Variants in CD151 observed in about 807,000 individuals in gnomAD.
CD151 encodes CD151 antigen.
In CD151, 20 loss-of-function variants were observed where a neutral mutation model predicts 34.2. The observed-to-expected ratio is 0.58, with a 90% confidence interval of 0.41 to 0.85. The LOEUF is 0.85. Among genes scored for constraint, CD151 ranks in the 40% least tolerant of loss-of-function variants. CD151 has a pLI of 0.00. For synonymous variants in CD151, 157 were observed against 131.7 expected, an observed-to-expected ratio of 1.19 and a Z score of -1.32; for missense variants, 306 against 324.5, an observed-to-expected ratio of 0.94 and a Z score of 0.44.
At chr11:836,567 C>T in intron 4 of CD151, 125 bp downstream of exon 4, 1 of 838,200 alleles carries the variant, frequency 1.2e-6, no homozygotes, top group Non-Finnish European at 1.9e-6. Flanking sequence ...CCTTCCACAC[C>T]TGCCTAGTCC....
intron 5 of CD151, 79 bp downstream of exon 5, chr11:836,922 T>A: frequency 7.9e-7 from 1 of 1,260,942 alleles, no homozygotes; most frequent in East Asian, 2.4e-5. Flanking sequence ...CACGCGTGGC[T>A]AGCCCCAACC....
chr11:835,789 G>A (rs889131272), intron 2 of CD151: 18 of 377,180 alleles, frequency 4.8e-5, no homozygotes, highest in African/African-American at 3.3e-4. Context: ...CCGGGTTCAC[G>A]CCATTCTCCT....
chr11:836,517 C>A, intron 4 of CD151, 75 bp downstream of exon 4: 1 of 1,171,964 alleles, frequency 8.5e-7, no homozygotes, highest in Non-Finnish European at 1.2e-6. Context: ...AGGCTTTGAA[C>A]CTGTGCCTTG....
intron 5 of CD151, 183 bp from the exon 6 acceptor site, chr11:837,067 A>G (rs1156710136): frequency 6.1e-6 from 4 of 660,570 alleles, no homozygotes; most frequent in African/African-American, 5.4e-5. Context: ...GCCGCACTTC[A>G]TTGTCACCCT....
chr11:835,252 G>C (rs1846708508), intron 2 of CD151: 1 of 152,302 alleles, frequency 6.6e-6, no homozygotes, highest in Admixed American at 6.5e-5. Context: ...GACACGTCCT[G>C]TTCCCACAGG....
rs1291010489 is a variant in CD151, at chr11:834,567, A to T, written c.-32A>T. On this transcript the variant is annotated 5_prime_UTR_variant, in exon 2 of 9. Coordinates refer to ENST00000397420, the MANE Select transcript of CD151 (RefSeq NM_004357.5). ...GGGAGCTTCTGTCCACCTGTCCTGC[A>T]GAGGAGTCGTTTCCAGCCCGGCTGG... 1 of 152,654 alleles carries T rather than the reference A, an allele frequency of 6.6e-6. No individual in the cohort carries two copies. The highest frequency in any genetic ancestry group is 1.5e-5 in the Non-Finnish European group (1 of 68,428). 9.5% of individuals were successfully genotyped at this position (152,654 alleles called of 1,614,324 possible).
Position 837,622 on chromosome 11 carries a change from G to A in CD151, c.615+4G>A, listed in dbSNP as rs746793308. On this transcript the variant is annotated splice_donor_region_variant and intron_variant, in intron 7 of 8. Coordinates refer to ENST00000397420, the MANE Select transcript of CD151 (RefSeq NM_004357.5). ...CTCCAACATCTACAAGGTGGAGGTG[G>A]GTGTGCAGCGGGATCATGCCTCCAG... The A allele has an allele frequency of 6.2e-7, 1 of 1,610,884 alleles. No individual in the cohort carries two copies. Among genetic ancestry groups the A allele is most frequent in the South Asian group, 1.1e-5 (1 of 91,004 alleles).
intron 1 of CD151, 84 bp from the exon 2 acceptor site, chr11:834,446 C>G (rs1846674930): frequency 6.6e-6 from 1 of 152,442 alleles, no homozygotes; most frequent in Admixed American, 6.5e-5. Context: ...CCACTCCTCT[C>G]TCTGCCTCCA....
chr11:837,208 G>A, intron 5 of CD151, 42 bp from the exon 6 acceptor site: 2 of 1,525,892 alleles, frequency 1.3e-6, no homozygotes, highest in Admixed American at 1.7e-5. Context: ...CACCTTGGAA[G>A]GTCTTAGACT....
intron 3 of CD151, 42 bp downstream of exon 3, chr11:836,195 T>G: frequency 2.1e-6 from 2 of 955,308 alleles, no homozygotes; most frequent in Non-Finnish European, 3.2e-6. Flanking sequence ...CCCCCACCCC[T>G]CCCGGGCCAC....
rs1846860041 is a variant in CD151 at position 838,339 on chromosome 11, T to C, written c.*147T>C. The C allele has an allele frequency of 7.5e-6, 5 of 669,410 alleles. 1 individual carries two copies. The South Asian group carries it at 8.8e-5, about 12-fold the overall frequency. The allele number at this position is 669,410 out of a possible 1,614,324, so 41.5% of individuals were successfully genotyped here. Reference sequence around the variant, plus strand: ...CCTCAGAGGCAGCTTCAAGTGCCTTTTGCTGCGCACCAATGCCCAGCAGGG... The same window carrying C: ...CCTCAGAGGCAGCTTCAAGTGCCTTCTGCTGCGCACCAATGCCCAGCAGGG... On this transcript the variant is annotated 3_prime_UTR_variant, in exon 9 of 9. Coordinates refer to ENST00000397420, the MANE Select transcript of CD151 (RefSeq NM_004357.5).
intron 5 of CD151, 113 bp downstream of exon 5, chr11:836,956 AAC>A: frequency 1.1e-6 from 1 of 942,778 alleles, no homozygotes; most frequent in Non-Finnish European, 1.7e-6. Context: ...TCCCAGAGCT[AAC>A]CAATGTGCCA....
Position 836,851 on chromosome 11 carries a change from G to T in CD151, c.351+8G>T. On this transcript the variant is annotated splice_region_variant and intron_variant, in intron 5 of 8. Transcript: ENST00000397420. The stretch of plus-strand genomic sequence containing the variant: ...TACGCCTACTACCAGCAGGTGAGGG[G>T]CCTGGGCAGGCCATTCAGAGACACA... The T allele has an allele frequency of 6.2e-7, 1 of 1,611,490 alleles. No homozygotes were observed. Among genetic ancestry groups the T allele is most frequent in the Non-Finnish European group, 8.5e-7 (1 of 1,178,840 alleles).
chr11:838,388 G>A lies in CD151; in HGVS notation c.*196G>A, dbSNP rs1403627475. 3.0e-5 allele frequency: 17 copies of A among 560,730 alleles called. No individual in the cohort carries two copies. The highest frequency in any genetic ancestry group is 1.8e-4 in the South Asian group (9 of 48,712). 34.7% of individuals were successfully genotyped at this position (560,730 alleles called of 1,614,324 possible). A position where few individuals can be genotyped will look rare whatever the true frequency, so the allele number is the denominator to read the frequency against. ...GGGAGGTGAGGGGGGCTGGCGGGGC[G>A]AAGTTTGGGGGGTGTTTTGTGGGGC... On this transcript the variant is annotated 3_prime_UTR_variant, in exon 9 of 9. Transcript: ENST00000397420.
In CD151 at chr11:837,355, G is replaced by A. The variant is rs750004151; in HGVS notation, c.456+1G>A. On this transcript the variant is annotated splice_donor_variant, in intron 6 of 8. Transcript: ENST00000397420. LOFTEE classifies it high-confidence loss of function. ...CGCTGTGGACCAGCTGCAGCAGGAG[G>A]TGGGTGGGTGGTGCTGGGAGGGCGC... The A allele has an allele frequency of 6.2e-7, 1 of 1,612,254 alleles. No homozygotes were observed. Among genetic ancestry groups the A allele is most frequent in the Non-Finnish European group, 8.5e-7 (1 of 1,179,366 alleles).
chr11:836,901 A>G (rs1489869238), intron 5 of CD151, 58 bp downstream of exon 5: 3 of 1,434,942 alleles, frequency 2.1e-6, no homozygotes, highest in East Asian at 2.3e-5. Flanking sequence ...GGGCGGACAC[A>G]CACACATGCA....
rs771931556 is a variant in CD151, at chr11:837,477, C to T, written c.474C>T (p.Ser158=). 3.7e-6 allele frequency: 6 copies of T among 1,612,780 alleles called. No homozygotes were observed. The Admixed American group carries it at 6.7e-5, about 18-fold the overall frequency. The change falls in exon 7 of 9, where the codon AGC becomes AGT. Residue 158 remains serine (S), a synonymous_variant. Coordinates refer to ENST00000397420, the MANE Select transcript of CD151 (RefSeq NM_004357.5). ...QLQQEFHCCG[S]NNSQDWRDSE... The stretch of plus-strand genomic sequence containing the variant: ...TGATGCAGTTCCACTGCTGTGGCAG[C>T]AACAACTCACAGGACTGGCGAGACA...
intron 8 of CD151, 32 bp downstream of exon 8, chr11:838,060 T>C (rs1021316795): frequency 3.1e-6 from 5 of 1,610,076 alleles, no homozygotes; most frequent in Non-Finnish European, 4.2e-6. Context: ...GGTCATCTTG[T>C]TGGGGACACG....
Position 836,391 on chromosome 11 carries a change from G to A in CD151, c.225G>A (p.Gly75=). 1 of 1,612,244 alleles carries A rather than the reference G, an allele frequency of 6.2e-7. No individual in the cohort carries two copies. Among genetic ancestry groups the A allele is most frequent in the African/African-American group, 1.3e-5 (1 of 75,068 alleles). The change falls in exon 4 of 9, where the codon GGG becomes GGA. Residue 75 remains glycine (G), a synonymous_variant. Transcript: ENST00000397420. ...VVAGTVVMVT[G]VLGCCATFKE... ...CGGGCACTGTCGTCATGGTGACTGG[G>A]GTCTTGGGCTGCTGCGCCACCTTCA...
Sources: gnomAD v4.1 joint callset for allele counts on GRCh38, gnomAD v4.1.1 for gene constraint, MANE v1.5 for transcripts, NCBI Gene and HGNC (gene_info 2026-07-23, HGNC 2026-07-21) for gene names.